Variants in MSH4 observed in about 807,000 individuals in gnomAD.
MSH4 encodes mutS homolog 4.
Under a neutral mutation model 113.7 loss-of-function variants are expected in MSH4, and 106 were observed. The ratio of observed to expected loss-of-function variants is 0.93; its 90% CI spans 0.80 to 1.10. MSH4 has a LOEUF of 1.10. MSH4 is among the 50% of genes least tolerant of loss of function. MSH4 has a pLI of 0.00. For synonymous variants in MSH4, 368 were observed against 380.2 expected (o/e 0.97, Z 0.37); for missense variants, 1,061 against 1,093.7 (o/e 0.97, Z 0.42).
At chr1:75,836,704 C>T (rs1402798814) in intron 7 of MSH4, among the ~76,000 whole-genome samples, 2 of 152,130 alleles carry the variant, frequency 1.3e-5, no homozygotes, top group East Asian at 1.9e-4. Context: ...TATTGAATTA[C>T]TGCCTTTCTT....
chr1:75,830,916 C>T (rs528281317), intron 7 of MSH4, among the ~76,000 whole-genome samples: 3 of 152,290 alleles, frequency 2.0e-5, no homozygotes, highest in African/African-American at 7.2e-5. Context: ...ATCATAATGA[C>T]AGGATCAAAT....
At chr1:75,905,316 G>A (rs549962961) in intron 19 of MSH4, among the ~76,000 whole-genome samples, 2 of 150,110 alleles carry the variant, frequency 1.3e-5, no homozygotes, top group African/African-American at 2.4e-5. Context: ...ATTGTTCAGG[G>A]GCATGTTGTT....
chr1:75,805,383 GTT>G (rs35951661), intron 2 of MSH4, among the ~76,000 whole-genome samples: 91,984 of 124,194 alleles, frequency 0.74, 32,572 homozygotes, highest in Middle Eastern at 0.87. Flanking sequence ...ACCATTTTTT[GTT>G]TTTTTTTTTT....
chr1:75,907,048 A>C (rs190078406), intron 19 of MSH4, among the ~76,000 whole-genome samples: 7 of 152,180 alleles, frequency 4.6e-5, no homozygotes, highest in South Asian at 2.1e-4. Flanking sequence ...TAGATTACAC[A>C]TCACATTTAT....
chr1:75,912,287 G>A (rs1652803238), intron 19 of MSH4, among the ~76,000 whole-genome samples: 1 of 151,998 alleles, frequency 6.6e-6, no homozygotes, highest in South Asian at 2.1e-4. Context: ...TCATTTAAAA[G>A]TATATTACCA....
rs760971798 is a variant in MSH4, at chr1:75,878,974, C to T, written c.1541-18C>T. ...TTCATTTTGTTTTGTTTTTGTTTTTCTTGTTTCTGGTCACCAGGAATGATA... is the reference window on the plus strand; with the variant it reads ...TTCATTTTGTTTTGTTTTTGTTTTTTTTGTTTCTGGTCACCAGGAATGATA... On this transcript the variant is annotated intron_variant, in intron 11 of 19. Transcript: ENST00000263187. 1 of 1,587,570 alleles carries T rather than the reference C, an allele frequency of 6.3e-7. No homozygotes were observed. Among genetic ancestry groups the T allele is most frequent in the African/African-American group, 1.4e-5 (1 of 73,474 alleles).
intron 8 of MSH4, among the ~76,000 whole-genome samples, chr1:75,864,531 A>C (rs1016026975): frequency 1.3e-5 from 2 of 152,206 alleles, no homozygotes; most frequent in African/African-American, 4.8e-5. Context: ...ACTGGTTTTA[A>C]AATTTTAGCC....
At chr1:75,879,235 G>A (rs5745453) in intron 12 of MSH4, 107 bp downstream of exon 12, 984,031 of 993,064 alleles carry the variant, frequency 0.99, 488,045 homozygotes, top group East Asian at 1. Flanking sequence ...TGAATGTTCT[G>A]TATCTTCTCC....
At chr1:75,842,732 G>A (rs1396482824) in intron 7 of MSH4, among the ~76,000 whole-genome samples, 3 of 152,136 alleles carry the variant, frequency 2.0e-5, no homozygotes, top group Non-Finnish European at 4.4e-5. Flanking sequence ...CTGGGAGGAC[G>A]CCCGTTGCCA....
chr1:75,813,698 T>C (rs1307897831), intron 4 of MSH4, among the ~76,000 whole-genome samples: 2 of 147,022 alleles, frequency 1.4e-5, no homozygotes, highest in East Asian at 3.9e-4. Flanking sequence ...ATTACTATTA[T>C]GACTACACTT....
At chr1:75,867,411 AAATATATGGGATATGGAAAGAG>A in intron 8 of MSH4, 81 bp from the exon 9 acceptor site, 2 of 692,180 alleles carry the variant, frequency 2.9e-6, no homozygotes, top group African/African-American at 4.4e-5. Flanking sequence ...TGATATATAA[AAATATATGGGATATGGAAAGAG>A]TAAGAATGTT....
At chr1:75,816,045 C>T (rs1650285593) in intron 5 of MSH4, among the ~76,000 whole-genome samples, 1 of 151,990 alleles carries the variant, frequency 6.6e-6, no homozygotes, top group East Asian at 1.9e-4. Context: ...ACTTTCCTAA[C>T]ATTATTTGAA....
chr1:75,886,513 A>ATATATATGATGTAT (rs1652115044), intron 15 of MSH4, among the ~76,000 whole-genome samples: 1 of 111,636 alleles, frequency 9.0e-6, no homozygotes, highest in Admixed American at 1.0e-4. Context: ...ATTATATATA[A>ATATATATGATGTAT]TATATATGAT....
chr1:75,806,972 A>G lies in MSH4; in HGVS notation c.428-9A>G. On this transcript the variant is annotated splice_polypyrimidine_tract_variant and intron_variant, in intron 2 of 19. Transcript: ENST00000263187. ...TGTTTATATCTTTTCTTTATTTAAA[A>G]ATTTACAGCTTCATCCTCATCTGCG... 1 of 1,548,778 alleles carries G rather than the reference A, an allele frequency of 6.5e-7. No homozygotes were observed. The highest frequency in any genetic ancestry group is 8.6e-7 in the Non-Finnish European group (1 of 1,158,996).
rs190149507 is a variant in MSH4, at chr1:75,869,407, C to T, written c.1305+1819C>T. 9.1e-4 allele frequency among the ~76,000 whole-genome samples: 139 copies of T among 152,150 alleles called. 2 individuals are homozygous for T. In the South Asian group the frequency reaches 0.02, roughly 22 times the overall value. ...GAAATTCAAACCAGCTGAAGAAATT[C>T]GCATAAGTAACAAGGAGGCAAAAGT... On this transcript the variant is annotated intron_variant, in intron 9 of 19. Transcript: ENST00000263187.
In MSH4 at chr1:75,890,759, G is replaced by A. The variant is rs779459288; in HGVS notation, c.2290G>A (p.Gly764Ser). Residue 764 changes from glycine (G) to serine (S), a missense_variant, in exon 17 of 20, where the codon GGT becomes AGT. Physicochemically the swap from Gly to Ser is moderately conservative, Grantham distance 56. Transcript: ENST00000263187. The stretch of plus-strand genomic sequence containing the variant: ...CATATTAATTGATGAACTTGGCAGA[G>A]GTACTAATACGGAAGAAGGTATTGG... Reference protein sequence around the residue: ...SLILIDELGRGTNTEEGIGIC... With the variant: ...SLILIDELGRSTNTEEGIGIC... 2.5e-5 allele frequency: 40 copies of A among 1,610,446 alleles called. No homozygotes were observed. The highest frequency in any genetic ancestry group is 3.3e-4 in the Middle Eastern group (2 of 6,072).
intron 19 of MSH4, among the ~76,000 whole-genome samples, chr1:75,910,606 A>G (rs1004677765): frequency 1.3e-5 from 2 of 151,840 alleles, no homozygotes; most frequent in Non-Finnish European, 2.9e-5. Context: ...CACTTACTAA[A>G]TATAAAAGTT....
At chr1:75,809,032 G>A (rs1339637266) in intron 3 of MSH4, among the ~76,000 whole-genome samples, 1 of 152,104 alleles carries the variant, frequency 6.6e-6, no homozygotes, top group African/African-American at 2.4e-5. Context: ...TTGAGTAGCA[G>A]GGACCACAGG....
intron 9 of MSH4, among the ~76,000 whole-genome samples, chr1:75,874,518 C>T (rs182184295): frequency 7.2e-5 from 11 of 152,120 alleles, no homozygotes; most frequent in African/African-American, 2.6e-4. Flanking sequence ...ACAGGGGTCT[C>T]GCTATGTTAC....
Sources: gnomAD v4.1 joint callset for allele counts (sites outside exome capture counted in the v4.1 genomes callset) on GRCh38, gnomAD v4.1.1 for gene constraint, MANE v1.5 for transcripts, NCBI Gene and HGNC (gene_info 2026-07-23, HGNC 2026-07-21) for gene names.